Variants in DNAH6 observed in about 807,000 individuals in gnomAD.
The protein encoded by DNAH6 is dynein axonemal heavy chain 6.
Under a neutral mutation model 491.4 loss-of-function variants are expected in DNAH6, and 340 were observed. The observed-to-expected ratio is 0.69, with a 90% CI of 0.63 to 0.76. The LOEUF (loss-of-function observed/expected upper bound fraction) is 0.76. Among genes scored for constraint, DNAH6 ranks in the 30% least tolerant of loss-of-function variants. The probability of loss-of-function intolerance (pLI) is 0.00; values close to 1 mark genes in which losing one functional copy is unlikely to be tolerated. For missense variants in DNAH6, 4,443 were observed against 4,972.2 expected (o/e 0.89, Z 3.20); for synonymous variants, 1,603 against 1,686.1 (o/e 0.95, Z 1.21).
intron 22 of DNAH6, 102 bp downstream of exon 22, chr2:84,611,956 T>C (rs1686383986): frequency 9.6e-7 from 1 of 1,038,874 alleles, no homozygotes; most frequent in Admixed American, 2.9e-5. Flanking sequence ...TAATAACATA[T>C]GGTCCATTCA....
intron 37 of DNAH6, 84 bp from the exon 38 acceptor site, chr2:84,669,204 CT>C: frequency 1.2e-5 from 13 of 1,099,420 alleles, no homozygotes; most frequent in Non-Finnish European, 1.5e-5. Flanking sequence ...TTTTGACTGC[CT>C]TTTTTTCTAT....
intron 11 of DNAH6, among the ~76,000 whole-genome samples, chr2:84,558,228 C>T (rs1274126166): frequency 6.6e-6 from 1 of 151,964 alleles, no homozygotes; most frequent in Non-Finnish European, 1.5e-5. Context: ...GAGATCGAGA[C>T]CATCCTGGCT....
In DNAH6 at chr2:84,785,729, C is replaced by A; in HGVS notation, c.11073C>A (p.Gly3691=). The A allele has an allele frequency of 6.5e-7, 1 of 1,544,890 alleles. No individual in the cohort carries two copies. The highest frequency in any genetic ancestry group is 8.7e-7 in the Non-Finnish European group (1 of 1,144,470). Residue 3691 remains glycine, a synonymous_variant, in exon 67 of 77, where the codon GGC becomes GGA. Transcript: ENST00000389394. ...AAAAATGGAGACAAATAATATTTGG[C>A]ATTTGTTTCTTCCATGCAATTATTC... is the stretch of plus-strand genomic sequence containing the variant. ...LGKKWRQIIF[G]ICFFHAIIQE...
chr2:84,745,762 G>T (rs1377340407), intron 63 of DNAH6, among the ~76,000 whole-genome samples: 1 of 152,110 alleles, frequency 6.6e-6, no homozygotes, highest in Non-Finnish European at 1.5e-5. Context: ...CAGGGCCATG[G>T]TTATCCTTTC....
At chr2:84,642,142 A>C (rs566573321) in intron 33 of DNAH6, 88 bp downstream of exon 33, 2 of 906,278 alleles carry the variant, frequency 2.2e-6, no homozygotes, top group African/African-American at 3.4e-5. Flanking sequence ...TTCTCTAACA[A>C]GCTGAAAACT....
At position 84,624,384 on chromosome 2, in the gene DNAH6, A is replaced by G. The variant is rs890314677; in HGVS notation, c.4191A>G (p.Gln1397=). 1.7e-5 allele frequency: 26 copies of G among 1,550,472 alleles called. 1 individual carries two copies. The highest frequency in any genetic ancestry group is 2.4e-5 in the South Asian group (2 of 83,726). Reference sequence around the variant, plus strand: ...GAGATATAGTCACTGAACTTGTTCAATCCAAGGTAACTGTTTCATTTAAGT... The same window carrying G: ...GAGATATAGTCACTGAACTTGTTCAGTCCAAGGTAACTGTTTCATTTAAGT... ...HARDIVTELV[Q]SKVETVESFD... is the part of the protein sequence containing the mutation. The change falls in exon 27 of 77, where the codon CAA becomes CAG. Residue 1397 remains glutamine (Q), a synonymous_variant. Transcript: ENST00000389394.
At chr2:84,697,147 G>C (rs1695467206) in intron 46 of DNAH6, among the ~76,000 whole-genome samples, 1 of 152,136 alleles carries the variant, frequency 6.6e-6, no homozygotes, top group Non-Finnish European at 1.5e-5. Flanking sequence ...AAGGGGAAAA[G>C]ATATATGCCT....
At chr2:84,705,785 G>A (rs889215371) in intron 52 of DNAH6, 38 bp downstream of exon 52, 1 of 1,515,792 alleles carries the variant, frequency 6.6e-7, no homozygotes, top group East Asian at 2.5e-5. Flanking sequence ...TAGAATTGAA[G>A]GCCATGATCG....
At chr2:84,672,837 T>G (rs1350947926) in intron 40 of DNAH6, among the ~76,000 whole-genome samples, 1 of 152,216 alleles carries the variant, frequency 6.6e-6, no homozygotes, top group Non-Finnish European at 1.5e-5. Context: ...AGTCACATTC[T>G]GAGACCCTGA....
intron 33 of DNAH6, among the ~76,000 whole-genome samples, chr2:84,649,869 T>C (rs550352823): frequency 8.5e-5 from 13 of 152,274 alleles, no homozygotes; most frequent in African/African-American, 2.9e-4. Context: ...CAAACCACCA[T>C]GGCACACACT....
At chr2:84,630,383 G>A (rs931802837) in intron 29 of DNAH6, among the ~76,000 whole-genome samples, 3 of 151,884 alleles carry the variant, frequency 2.0e-5, no homozygotes, top group Non-Finnish European at 4.4e-5. Context: ...AATTATTCCT[G>A]TTCAAAAAAA....
rs74838271 is a variant in DNAH6, at chr2:84,520,326, G to C, written c.225+2275G>C. On this transcript the variant is annotated intron_variant, in intron 2 of 76. Transcript: ENST00000389394. Reference sequence around the variant, plus strand: ...AATTGCATTTTCACCCTTAACCTAAGTTATACTATAATCTCTTCCAACTTT... The same window carrying C: ...AATTGCATTTTCACCCTTAACCTAACTTATACTATAATCTCTTCCAACTTT... Among the ~76,000 whole-genome samples the C allele has an allele frequency of 5.9e-3, 899 of 152,144 alleles. 17 individuals are homozygous for C. In the East Asian group the frequency reaches 0.075, roughly 13 times the overall value.
intron 45 of DNAH6, among the ~76,000 whole-genome samples, chr2:84,690,223 C>T (rs879448122): frequency 6.6e-6 from 1 of 152,216 alleles, no homozygotes; most frequent in Admixed American, 6.5e-5. Context: ...ACAGTTAAAT[C>T]CCTAGAATTT....
chr2:84,700,714 G>A (rs1195162597), intron 48 of DNAH6, among the ~76,000 whole-genome samples: 1 of 152,184 alleles, frequency 6.6e-6, no homozygotes, highest in Non-Finnish European at 1.5e-5. Context: ...AGGTGTGCAG[G>A]GCAGTGATTA....
At chr2:84,583,724 TGCACAA>T (rs1396635212) in intron 14 of DNAH6, among the ~76,000 whole-genome samples, 2 of 152,248 alleles carry the variant, frequency 1.3e-5, no homozygotes, top group African/African-American at 4.8e-5. Context: ...GGAGTTTCCC[TGCACAA>T]GTTCTCTTGC....
chr2:84,709,202 C>A, intron 54 of DNAH6, 141 bp from the exon 55 acceptor site: 2 of 814,154 alleles, frequency 2.5e-6, no homozygotes, highest in Non-Finnish European at 3.9e-6. Context: ...GTGTCCCATG[C>A]TCTGATGCAA....
chr2:84,681,004 C>G (rs559434852), intron 41 of DNAH6, among the ~76,000 whole-genome samples: 1 of 152,194 alleles, frequency 6.6e-6, no homozygotes, highest in South Asian at 2.1e-4. Flanking sequence ...GGTCATTCAT[C>G]CATAAAAGTG....
At chr2:84,548,229 T>G (rs1201474857) in intron 7 of DNAH6, 59 bp from the exon 8 acceptor site, 1 of 1,503,088 alleles carries the variant, frequency 6.7e-7, no homozygotes, top group Non-Finnish European at 9.0e-7. Flanking sequence ...TGAATCATAT[T>G]GAAAGAGATG....
At chr2:84,639,619 C>T (rs1027699272) in intron 31 of DNAH6, among the ~76,000 whole-genome samples, 3 of 151,940 alleles carry the variant, frequency 2.0e-5, no homozygotes, top group African/African-American at 7.3e-5. Flanking sequence ...GGGGTTTCAC[C>T]GTGTTGGTCA....
Sources: gnomAD v4.1 joint callset for allele counts (sites outside exome capture counted in the v4.1 genomes callset) on GRCh38, gnomAD v4.1.1 for gene constraint, MANE v1.5 for transcripts, NCBI Gene and HGNC (gene_info 2026-07-23, HGNC 2026-07-21) for gene names.